Variants in FOXP1 observed in about 807,000 individuals in gnomAD.
The protein encoded by FOXP1 is forkhead box P1.
A neutral mutation model predicts 98.2 loss-of-function variants in FOXP1; 15 were observed. That is an observed-to-expected ratio of 0.15 (90% CI 0.10 to 0.24). The LOEUF (loss-of-function observed/expected upper bound fraction) is 0.24, where lower values mean the gene tolerates loss of function less well. Ranked by LOEUF, FOXP1 falls within the 10% of genes least tolerant of loss-of-function variation. FOXP1 has a pLI of 1.00. For missense variants in FOXP1, 633 were observed against 848.5 expected (o/e 0.75, Z 3.15); for synonymous variants, 371 against 314.5 (o/e 1.18, Z -1.90).
chr3:71,228,966 T>TA (rs2066062030), intron 5 of FOXP1, among the ~76,000 whole-genome samples: 1 of 39,252 alleles, frequency 2.5e-5, no homozygotes, highest in African/African-American at 1.1e-4. Context: ...TACTGTTGGT[T>TA]GTTTTTTTTT....
chr3:71,250,775 C>T (rs1012943897), intron 5 of FOXP1, among the ~76,000 whole-genome samples: 7 of 151,998 alleles, frequency 4.6e-5, no homozygotes, highest in Admixed American at 2.6e-4. Flanking sequence ...TACTAAAATA[C>T]AAAAAATTAG....
intron 6 of FOXP1, among the ~76,000 whole-genome samples, chr3:71,161,212 G>T (rs144071153): frequency 1.3e-5 from 2 of 152,184 alleles, no homozygotes; most frequent in African/African-American, 2.4e-5. Context: ...AACGCAGAAG[G>T]CTTAAAATAA....
chr3:71,254,182 T>TC (rs562689346), intron 5 of FOXP1, among the ~76,000 whole-genome samples: 3 of 152,116 alleles, frequency 2.0e-5, no homozygotes, highest in Admixed American at 2.0e-4. Flanking sequence ...GGTATTTTCC[T>TC]CCCCCCTAAC....
chr3:71,106,518 G>A (rs1053343226), intron 7 of FOXP1, among the ~76,000 whole-genome samples: 3 of 151,982 alleles, frequency 2.0e-5, no homozygotes, highest in African/African-American at 7.2e-5. Flanking sequence ...GCAAGATGGG[G>A]TTTCACCTTG....
intron 4 of FOXP1, among the ~76,000 whole-genome samples, chr3:71,358,534 T>A (rs187961610): frequency 6.6e-5 from 10 of 152,326 alleles, no homozygotes; most frequent in Admixed American, 6.5e-4. Flanking sequence ...ATGCATTATA[T>A]CTTGTTTCAT....
At chr3:71,301,983 C>G (rs2073883529) in intron 4 of FOXP1, among the ~76,000 whole-genome samples, 1 of 152,054 alleles carries the variant, frequency 6.6e-6, no homozygotes. Context: ...AATACTAAAA[C>G]AATACGAAAC....
chr3:71,437,698 G>A (rs1053542425), intron 3 of FOXP1, among the ~76,000 whole-genome samples: 4 of 152,292 alleles, frequency 2.6e-5, no homozygotes, highest in African/African-American at 4.8e-5. Flanking sequence ...GGGTGGAGGA[G>A]CATGAACTTC....
At chr3:71,014,950 T>C (rs972782550) in intron 12 of FOXP1, among the ~76,000 whole-genome samples, 3 of 151,232 alleles carry the variant, frequency 2.0e-5, no homozygotes, top group Non-Finnish European at 2.9e-5. Flanking sequence ...ATGAGAACAC[T>C]TGGACACAGG....
At chr3:71,085,102 C>T (rs2054888263) in intron 7 of FOXP1, among the ~76,000 whole-genome samples, 1 of 152,204 alleles carries the variant, frequency 6.6e-6, no homozygotes, top group African/African-American at 2.4e-5. Flanking sequence ...TTCTGTCCAG[C>T]TCTGTAACAG....
chr3:71,280,126 C>CAAAAAAAAA (rs56674677), intron 5 of FOXP1, among the ~76,000 whole-genome samples: 18 of 106,190 alleles, frequency 1.7e-4, no homozygotes, highest in African/African-American at 4.9e-4. Flanking sequence ...CTGTCTCAAA[C>CAAAAAAAAA]AAAAAAAAAA....
At chr3:71,365,942 CA>C (rs2078900085) in intron 3 of FOXP1, among the ~76,000 whole-genome samples, 1 of 152,164 alleles carries the variant, frequency 6.6e-6, no homozygotes, top group African/African-American at 2.4e-5. Context: ...CACTGCACTC[CA>C]GCCTGGCGAC....
intron 20 of FOXP1, among the ~76,000 whole-genome samples, chr3:70,962,562 G>C (rs1427095746): frequency 2.0e-5 from 3 of 152,216 alleles, no homozygotes; most frequent in African/African-American, 4.8e-5. Flanking sequence ...ACTGACAATG[G>C]TGAACATTTC....
Position 71,423,308 on chromosome 3 carries a change from G to A in FOXP1, c.-167-64064C>T, listed in dbSNP as rs893226238. ...AGCGCATCGCAGAGCAAGACCAAGC[G>A]TGCATCCAAAGTGAGAAGGCTCCAG... On this transcript the variant is annotated intron_variant, in intron 3 of 20. Coordinates refer to ENST00000649528, the MANE Select transcript of FOXP1 (RefSeq NM_001349338.3). Among the ~76,000 whole-genome samples the A allele has an allele frequency of 3.9e-5, 6 of 152,152 alleles. No individual in the cohort carries two copies. The East Asian group carries it at 5.8e-4, about 15-fold the overall frequency.
chr3:71,017,590 T>C (rs989690646), intron 11 of FOXP1, among the ~76,000 whole-genome samples: 6 of 151,984 alleles, frequency 3.9e-5, no homozygotes, highest in African/African-American at 1.4e-4. Context: ...TTTAACATAA[T>C]TTTGTAAATA....
intron 5 of FOXP1, among the ~76,000 whole-genome samples, chr3:71,266,718 C>T (rs1358354595): frequency 6.6e-6 from 1 of 152,122 alleles, no homozygotes; most frequent in African/African-American, 2.4e-5. Flanking sequence ...AATTTTTTAA[C>T]CCTCACCTTC....
chr3:71,390,138 T>G (rs2080922373), intron 3 of FOXP1, among the ~76,000 whole-genome samples: 2 of 152,210 alleles, frequency 1.3e-5, no homozygotes, highest in African/African-American at 4.8e-5. Context: ...TACTGTAAAC[T>G]GGTTCTCACT....
chr3:71,374,081 A>C (rs534806985), intron 3 of FOXP1, among the ~76,000 whole-genome samples: 32 of 152,336 alleles, frequency 2.1e-4, no homozygotes, highest in African/African-American at 7.2e-4. Context: ...CTGTTCAATT[A>C]AGAAAAAATA....
chr3:71,397,265 C>T (rs528732734), intron 3 of FOXP1, among the ~76,000 whole-genome samples: 9 of 151,358 alleles, frequency 5.9e-5, no homozygotes, highest in Admixed American at 1.3e-4. Context: ...AAAACCCATT[C>T]GGAAGGAACG....
intron 2 of FOXP1, among the ~76,000 whole-genome samples, chr3:71,503,661 C>T (rs983127328): frequency 4.7e-5 from 7 of 150,302 alleles, no homozygotes; most frequent in African/African-American, 1.7e-4. Flanking sequence ...TATGGTAAAC[C>T]TCCTCAGTGA....
Sources: gnomAD v4.1 joint callset for allele counts (sites outside exome capture counted in the v4.1 genomes callset) on GRCh38, gnomAD v4.1.1 for gene constraint, MANE v1.5 for transcripts, NCBI Gene and HGNC (gene_info 2026-07-23, HGNC 2026-07-21) for gene names.